PRDM10: variants seen among roughly 807,000 people sequenced by gnomAD.
The protein encoded by PRDM10 is PR/SET domain 10, also known as PR domain zinc finger protein 10.
In PRDM10, 65 loss-of-function variants were observed where a neutral mutation model predicts 133.1. The observed-to-expected ratio is 0.49, with a 90% CI of 0.40 to 0.60. The LOEUF (loss-of-function observed/expected upper bound fraction) is 0.60, where lower values mean the gene tolerates loss of function less well. Ranked by LOEUF, PRDM10 falls within the 20% of genes least tolerant of loss-of-function variation. The pLI, the probability that PRDM10 is intolerant of heterozygous loss-of-function variation, is 0.00. For synonymous variants in PRDM10, 582 were observed against 580.4 expected, an observed-to-expected ratio of 1.00 and a Z score of -0.04; for missense variants, 1,137 against 1,507.1, an observed-to-expected ratio of 0.75 and a Z score of 4.07.
At chr11:129,957,652 A>G (rs1321770070) in intron 3 of PRDM10, 94 bp downstream of exon 3, 2 of 1,426,184 alleles carry the variant, frequency 1.4e-6, no homozygotes, top group African/African-American at 1.4e-5. Context: ...GTACTGCATC[A>G]CCAGTACCTA....
intron 1 of PRDM10, among the ~76,000 whole-genome samples, chr11:129,974,448 G>C (rs1428359170): frequency 6.6e-6 from 1 of 152,146 alleles, no homozygotes; most frequent in African/African-American, 2.4e-5. Context: ...TGGGAGTGGG[G>C]AAGAGTCTAA....
At chr11:129,936,653 A>C (rs1055241792) in intron 8 of PRDM10, among the ~76,000 whole-genome samples, 5 of 121,454 alleles carry the variant, frequency 4.1e-5, no homozygotes, top group Admixed American at 3.2e-4. Flanking sequence ...ACTCCATTTC[A>C]AAAAAAAAAA....
intron 7 of PRDM10, among the ~76,000 whole-genome samples, chr11:129,940,427 A>G (rs545963201): frequency 1.0e-3 from 155 of 152,346 alleles, no homozygotes; most frequent in African/African-American, 3.5e-3. Flanking sequence ...ATGAAATGCA[A>G]TTCTACAATT....
At chr11:129,990,476 G>A (rs1023254911) in intron 1 of PRDM10, among the ~76,000 whole-genome samples, 1 of 147,166 alleles carries the variant, frequency 6.8e-6, no homozygotes, top group African/African-American at 2.5e-5. Flanking sequence ...GAGCAGAGAT[G>A]GTGCCACTGC....
In PRDM10 at chr11:129,900,999, G is replaced by A. The variant is rs562397036; in HGVS notation, c.*1314C>T. On this transcript the variant is annotated 3_prime_UTR_variant, in exon 21 of 21. Transcript: ENST00000360871. ...ATTAACTTCATTTGAAATGAAGTAA[G>A]GTCTTTCTGTTCTGGAGTAATAAAT... 6.6e-6 allele frequency: 1 copy of A among 152,590 alleles called. No individual in the cohort carries two copies. Among genetic ancestry groups the A allele is most frequent in the African/African-American group, 2.4e-5 (1 of 41,444 alleles). 9.5% of individuals were successfully genotyped at this position (152,590 alleles called of 1,614,324 possible).
chr11:129,943,569 G>A (rs760770676), intron 6 of PRDM10, among the ~76,000 whole-genome samples: 35 of 152,148 alleles, frequency 2.3e-4, no homozygotes, highest in Non-Finnish European at 1.0e-4. Flanking sequence ...CTTATAAGAA[G>A]GGAAGATGGG....
At chr11:129,967,112 C>T (rs544446871) in intron 1 of PRDM10, among the ~76,000 whole-genome samples, 3 of 152,202 alleles carry the variant, frequency 2.0e-5, no homozygotes, top group Admixed American at 6.5e-5. Context: ...CTTGTGAAGC[C>T]GGGCGCGGTG....
chr11:129,973,210 G>A lies in PRDM10; in HGVS notation c.-118-12128C>T, dbSNP rs1937610626. 2.0e-5 allele frequency among the ~76,000 whole-genome samples: 3 copies of A among 152,158 alleles called. No individual in the cohort carries two copies. In the South Asian group the frequency reaches 6.2e-4, roughly 32 times the overall value. ...AGTGAAGGAGAAAAGCAGTGTCACA[G>A]GAAGGCCCAAATTAGCAACCTGCTA... On this transcript the variant is annotated intron_variant, in intron 1 of 20. Coordinates refer to ENST00000360871, the MANE Select transcript of PRDM10 (RefSeq NM_199437.2).
chr11:129,949,505 T>C lies in PRDM10; in HGVS notation c.295-2135A>G, dbSNP rs1951523593. On this transcript the variant is annotated intron_variant, in intron 4 of 20. Transcript: ENST00000360871. Reference sequence around the variant, plus strand: ...TAGGTGTTCAATGAAGATTAATTTGTTGAAATATATTTGGCCTTTTGGGAA... The same window carrying C: ...TAGGTGTTCAATGAAGATTAATTTGCTGAAATATATTTGGCCTTTTGGGAA... Among the ~76,000 whole-genome samples the C allele has an allele frequency of 2.0e-5, 3 of 152,246 alleles. No homozygotes were observed. The South Asian group carries it at 6.2e-4, about 32-fold the overall frequency.
Position 129,931,113 on chromosome 11 carries a change from G to A in PRDM10, c.1433C>T (p.Thr478Ile). 6.2e-7 allele frequency: 1 copy of A among 1,614,262 alleles called. No homozygotes were observed. The highest frequency in any genetic ancestry group is 8.5e-7 in the Non-Finnish European group (1 of 1,180,046). Residue 478 changes from threonine (T) to isoleucine (I), a missense_variant, in exon 11 of 21, where the codon ACT (threonine) becomes ATT (isoleucine). By Grantham distance (89) the Thr-to-Ile change is moderately conservative. Transcript: ENST00000360871. ...CTGCGGCTGCAGGTGCAGGGTGTGA[G>A]TTTCTGGTTCATGTTCCAGGGAAGA... ...TQSSLEHEPE[T>I]HTLHLQPQHE...
At position 129,910,514 on chromosome 11, in the gene PRDM10, G is replaced by A. The variant is rs766595658; in HGVS notation, c.3125C>T (p.Thr1042Met). 5.6e-6 allele frequency: 9 copies of A among 1,614,008 alleles called. No individual in the cohort carries two copies. The highest frequency in any genetic ancestry group is 1.3e-5 in the African/African-American group (1 of 74,916). ...QQQQNSSVQH[T>M]YLPSAWNSFR... ...GGAATTCCAAGCACTGGGCAGGTAC[G>A]TGTGCTGCACAGAGGAATTCTGCTG... is the stretch of plus-strand genomic sequence containing the variant. The change falls in exon 19 of 21, where the codon ACG (threonine) becomes ATG (methionine). Residue 1042 changes from threonine to methionine, a missense_variant. Thr to Met is a moderately conservative substitution (Grantham distance 81, BLOSUM62 -1). Coordinates refer to ENST00000360871, the MANE Select transcript of PRDM10 (RefSeq NM_199437.2).
intron 9 of PRDM10, among the ~76,000 whole-genome samples, chr11:129,932,436 T>G (rs1476865817): frequency 1.3e-5 from 2 of 152,226 alleles, no homozygotes; most frequent in African/African-American, 4.8e-5. Context: ...CTTAAAGATA[T>G]GTCTTCAATT....
At chr11:129,933,613 C>T (rs1362540138) in intron 9 of PRDM10, among the ~76,000 whole-genome samples, 1 of 152,198 alleles carries the variant, frequency 6.6e-6, no homozygotes, top group Admixed American at 6.5e-5. Flanking sequence ...ATATTACCTA[C>T]TGTGTATCAC....
chr11:129,958,881 A>C (rs1951745765), intron 2 of PRDM10, among the ~76,000 whole-genome samples: 1 of 152,234 alleles, frequency 6.6e-6, no homozygotes, highest in Non-Finnish European at 1.5e-5. Flanking sequence ...TAAAGAACTA[A>C]AGCAGAAATG....
At chr11:129,922,154 G>A (rs1950539743) in intron 13 of PRDM10, among the ~76,000 whole-genome samples, 1 of 152,202 alleles carries the variant, frequency 6.6e-6, no homozygotes, top group Admixed American at 6.5e-5. Context: ...TTGCTTCCCT[G>A]ATTGAACTGT....
intron 4 of PRDM10, among the ~76,000 whole-genome samples, chr11:129,949,315 C>G (rs1431737373): frequency 1.3e-5 from 2 of 152,122 alleles, no homozygotes; most frequent in African/African-American, 2.4e-5. Flanking sequence ...TAATACATGC[C>G]TCAGGTTGTT....
intron 1 of PRDM10, among the ~76,000 whole-genome samples, chr11:129,997,026 C>T (rs565101345): frequency 1.7e-4 from 26 of 152,250 alleles, no homozygotes; most frequent in African/African-American, 5.8e-4. Flanking sequence ...CCTGAGGCAA[C>T]GCTGTGAATA....
At chr11:129,997,411 T>C (rs1197939003) in intron 1 of PRDM10, among the ~76,000 whole-genome samples, 1 of 148,844 alleles carries the variant, frequency 6.7e-6, no homozygotes, top group Non-Finnish European at 1.5e-5. Flanking sequence ...GCCTGGGAGG[T>C]CAAGGCTGCA....
At chr11:130,002,334 G>C (rs1358317163) in intron 1 of PRDM10, among the ~76,000 whole-genome samples, 3 of 151,906 alleles carry the variant, frequency 2.0e-5, no homozygotes, top group East Asian at 1.9e-4. Context: ...GGGTCGCAGG[G>C]GGAGGCTGCG....
Sources: allele counts gnomAD v4.1 joint callset (sites outside exome capture counted in the v4.1 genomes callset), GRCh38; gene constraint gnomAD v4.1.1; transcripts MANE v1.5; gene names NCBI Gene and HGNC (gene_info 2026-07-23, HGNC 2026-07-21).